The following GRID2 variants were observed in gnomAD, a reference collection of about 807,000 sequenced individuals.
GRID2 encodes the protein glutamate receptor ionotropic, delta-2.
A neutral mutation model predicts 114.8 loss-of-function variants in GRID2; 33 were observed. The ratio of observed to expected loss-of-function variants is 0.29; its 90% CI spans 0.22 to 0.38. GRID2 has a LOEUF of 0.38. Ranked by LOEUF, GRID2 falls within the 10% of genes least tolerant of loss-of-function variation. GRID2 has a pLI of 1.00. For missense variants in GRID2, 1,184 were observed against 1,257.7 expected (o/e 0.94, Z 0.89); for synonymous variants, 505 against 449.9 (o/e 1.12, Z -1.55).
chr4:92,607,015 A>T (rs1729484253), intron 2 of GRID2, among the ~76,000 whole-genome samples: 1 of 151,990 alleles, frequency 6.6e-6, no homozygotes, highest in African/African-American at 2.4e-5. Flanking sequence ...CCCCTTCCAA[A>T]AGGCAGTAAG....
At chr4:93,341,181 A>G (rs1303738463) in intron 8 of GRID2, among the ~76,000 whole-genome samples, 3 of 152,196 alleles carry the variant, frequency 2.0e-5, no homozygotes, top group Non-Finnish European at 2.9e-5. Flanking sequence ...TAAAATTTCT[A>G]TAGTAAACAA....
At chr4:92,690,398 C>CTT (rs1351075228) in intron 2 of GRID2, among the ~76,000 whole-genome samples, 3 of 152,038 alleles carry the variant, frequency 2.0e-5, no homozygotes, top group African/African-American at 7.2e-5. Flanking sequence ...AGTTTGCTGT[C>CTT]TTATATGAGT....
Position 92,492,931 on chromosome 4 carries a change from T to A in GRID2, c.89-97200T>A, listed in dbSNP as rs545807168. On this transcript the variant is annotated intron_variant, in intron 1 of 15. Transcript: ENST00000282020. ...ATCACTGGAGGTCAGGAGTTCAAGATTAACCTGGCCAACATGGTGAAACCC... is the reference window on the plus strand; with the variant it reads ...ATCACTGGAGGTCAGGAGTTCAAGAATAACCTGGCCAACATGGTGAAACCC... Among the ~76,000 whole-genome samples, 378 of 151,818 alleles carry A rather than the reference T, an allele frequency of 2.5e-3. 5 individuals carry two copies. Among genetic ancestry groups the A allele is most frequent in the Middle Eastern group, 0.024 (7 of 294 alleles).
Position 93,042,247 on chromosome 4 carries a change from ATCTC to A in GRID2, c.245-42724_245-42721del, listed in dbSNP as rs1166899378. 8.7e-3 allele frequency among the ~76,000 whole-genome samples: 1,058 copies of A among 121,614 alleles called. 6 individuals carry two copies. The highest frequency in any genetic ancestry group is 0.017 in the African/African-American group (510 of 29,900). The allele number at this position is 121,614 out of a possible 152,430, so 79.8% of individuals were successfully genotyped here. A position where few individuals can be genotyped will look rare whatever the true frequency, so the allele number is the denominator to read the frequency against. ...ATATATTTTAAATAATATATTTTAA[ATCTC>A]TCTCTCTCTCTCTCTCTCTCTCTTT... On this transcript the variant is annotated intron_variant, in intron 2 of 15. Transcript: ENST00000282020.
In GRID2 at chr4:93,490,541, C is replaced by T. The variant is rs539799261; in HGVS notation, c.1859-98C>T. 832 of 811,882 alleles carry T rather than the reference C, an allele frequency of 1.0e-3. 12 individuals carry two copies. The South Asian group carries it at 0.014, about 14-fold the overall frequency. The allele number at this position is 811,882 out of a possible 1,614,324, so 50.3% of individuals were successfully genotyped here. A position where few individuals can be genotyped will look rare whatever the true frequency, so the allele number is the denominator to read the frequency against. The stretch of plus-strand genomic sequence containing the variant: ...GTTGATGTTAAGCAGAAAAAATTCT[C>T]ACTACTTGCAAGTTAATTTGGTGTT... On this transcript the variant is annotated intron_variant, in intron 11 of 15. Transcript: ENST00000282020.
At chr4:93,487,403 A>G (rs1489604040) in intron 11 of GRID2, among the ~76,000 whole-genome samples, 1 of 151,814 alleles carries the variant, frequency 6.6e-6, no homozygotes, top group Admixed American at 6.6e-5. Flanking sequence ...ATTGCAGGCT[A>G]TCAGTTTCCT....
At chr4:93,758,237 A>G (rs961796398) in intron 14 of GRID2, among the ~76,000 whole-genome samples, 3 of 152,198 alleles carry the variant, frequency 2.0e-5, no homozygotes, top group African/African-American at 7.2e-5. Flanking sequence ...TAGACTTCCC[A>G]TCTATGAAAA....
chr4:92,672,020 T>C (rs1733099152), intron 2 of GRID2, among the ~76,000 whole-genome samples: 1 of 152,142 alleles, frequency 6.6e-6, no homozygotes, highest in African/African-American at 2.4e-5. Context: ...TAACCAACAG[T>C]TTGAAATACA....
intron 2 of GRID2, among the ~76,000 whole-genome samples, chr4:92,896,965 C>T (rs1747210481): frequency 6.6e-6 from 1 of 152,060 alleles, no homozygotes; most frequent in Admixed American, 6.6e-5. Flanking sequence ...TGATCTCGAA[C>T]TCCTGACCTC....
chr4:93,476,760 T>C (rs1725358563), intron 11 of GRID2, among the ~76,000 whole-genome samples: 1 of 152,066 alleles, frequency 6.6e-6, no homozygotes, highest in Admixed American at 6.6e-5. Flanking sequence ...ATTCTGGGAG[T>C]CAATAAGTGT....
rs566086591 is a variant in GRID2, at chr4:93,458,955, G to A, written c.1858+2981G>A. 4.6e-5 allele frequency among the ~76,000 whole-genome samples: 7 copies of A among 151,996 alleles called. No individual in the cohort carries two copies. In the South Asian group the frequency reaches 6.2e-4, roughly 14 times the overall value. On this transcript the variant is annotated intron_variant, in intron 11 of 15. Coordinates refer to ENST00000282020, the MANE Select transcript of GRID2 (RefSeq NM_001510.4). ...AGCACTTTGGGAGGCCGAGGCAGGC[G>A]GATCACCTGAGGTCAGGAGTTCGAG...
In GRID2 at chr4:92,615,753, TATTA is replaced by T. The variant is rs1254111155; in HGVS notation, c.244+25468_244+25471del. On this transcript the variant is annotated intron_variant, in intron 2 of 15. Coordinates refer to ENST00000282020, the MANE Select transcript of GRID2 (RefSeq NM_001510.4). Reference sequence around the variant, plus strand: ...ATTGAAATGTGTCATTTTAATTCCTTATTAGTTTTTGTACTATATATTTATGAAT... The same window carrying T: ...ATTGAAATGTGTCATTTTAATTCCTTGTTTTTGTACTATATATTTATGAAT... Among the ~76,000 whole-genome samples the T allele has an allele frequency of 4.0e-5, 6 of 151,758 alleles. No individual in the cohort carries two copies. The East Asian group carries it at 9.7e-4, about 25-fold the overall frequency.
intron 1 of GRID2, among the ~76,000 whole-genome samples, chr4:92,565,953 G>C (rs191366406): frequency 6.6e-6 from 1 of 151,896 alleles, no homozygotes; most frequent in Non-Finnish European, 1.5e-5. Flanking sequence ...TCTCCTCAGG[G>C]TATCACAAAG....
At chr4:93,618,655 G>GA (rs1741932257) in intron 13 of GRID2, among the ~76,000 whole-genome samples, 1 of 152,126 alleles carries the variant, frequency 6.6e-6, no homozygotes, top group East Asian at 1.9e-4. Context: ...AATATCTAAG[G>GA]AAGGAAGTCC....
At chr4:93,127,301 A>T (rs566608961) in intron 4 of GRID2, among the ~76,000 whole-genome samples, 29 of 152,270 alleles carry the variant, frequency 1.9e-4, no homozygotes, top group Middle Eastern at 6.8e-3. Flanking sequence ...TTAATCAGTA[A>T]GTTTGTGTTG....
intron 3 of GRID2, among the ~76,000 whole-genome samples, chr4:93,097,549 C>G (rs867724427): frequency 2.2e-4 from 33 of 151,744 alleles, no homozygotes; most frequent in African/African-American, 7.5e-4. Flanking sequence ...ATTCCAAAAC[C>G]ATTCAATCAA....
intron 8 of GRID2, among the ~76,000 whole-genome samples, chr4:93,359,964 C>T (rs1384511544): frequency 7.0e-6 from 1 of 143,604 alleles, no homozygotes; most frequent in Non-Finnish European, 1.5e-5. Context: ...TCTCTGCAAT[C>T]TCTTAAATAA....
intron 2 of GRID2, among the ~76,000 whole-genome samples, chr4:92,989,051 G>A (rs975489391): frequency 2.6e-5 from 4 of 152,030 alleles, no homozygotes; most frequent in African/African-American, 7.2e-5. Context: ...GCCGAAGCGG[G>A]CAGATCACGA....
At chr4:92,336,433 A>G (rs1413785659) in intron 1 of GRID2, among the ~76,000 whole-genome samples, 1 of 151,996 alleles carries the variant, frequency 6.6e-6, no homozygotes, top group Non-Finnish European at 1.5e-5. Context: ...ACATTTCTAC[A>G]CTTGATCTTA....
Sources: allele counts gnomAD v4.1 joint callset (sites outside exome capture counted in the v4.1 genomes callset), GRCh38; gene constraint gnomAD v4.1.1; transcripts MANE v1.5; gene names NCBI Gene and HGNC (gene_info 2026-07-23, HGNC 2026-07-21).